The following INSIG2 variants were observed in gnomAD, a reference collection of about 807,000 sequenced individuals.
INSIG2 encodes insulin induced gene 2, also known as insulin-induced gene 2 protein.
Under a neutral mutation model 27.2 loss-of-function variants are expected in INSIG2, and 10 were observed. The ratio of observed to expected loss-of-function variants is 0.37; its 90% confidence interval spans 0.23 to 0.62. INSIG2 has a LOEUF of 0.62. Among genes scored for constraint, INSIG2 ranks in the 20% least tolerant of loss-of-function variants. INSIG2 has a pLI of 0.65. For synonymous variants in INSIG2, 97 were observed against 95.8 expected (o/e 1.01, Z -0.07); for missense variants, 178 against 270.2 (o/e 0.66, Z 2.39).
chr2:118,104,789 G>C (rs1362048502), intron 3 of INSIG2, among the ~76,000 whole-genome samples: 1 of 152,160 alleles, frequency 6.6e-6, no homozygotes, highest in African/African-American at 2.4e-5. Flanking sequence ...CGGTGGATTA[G>C]ATCTTTCTCT....
chr2:118,102,930 A>C (rs1004743208), intron 2 of INSIG2, among the ~76,000 whole-genome samples: 2 of 152,216 alleles, frequency 1.3e-5, no homozygotes, highest in Admixed American at 1.3e-4. Context: ...ATTGTGAATC[A>C]TACATTTGAA....
intron 1 of INSIG2, among the ~76,000 whole-genome samples, chr2:118,091,238 T>C (rs562287942): frequency 2.6e-5 from 4 of 152,304 alleles, no homozygotes; most frequent in Non-Finnish European, 4.4e-5. Flanking sequence ...GCAACTGATA[T>C]TATAAACATG....
intron 1 of INSIG2, among the ~76,000 whole-genome samples, chr2:118,090,999 T>A (rs1274082660): frequency 6.6e-6 from 1 of 152,238 alleles, no homozygotes; most frequent in Non-Finnish European, 1.5e-5. Flanking sequence ...ACTTTTTCCC[T>A]GGTCAGCAAA....
At chr2:118,101,598 A>G (rs1678546637) in intron 2 of INSIG2, among the ~76,000 whole-genome samples, 1 of 152,032 alleles carries the variant, frequency 6.6e-6, no homozygotes, top group Non-Finnish European at 1.5e-5. Context: ...GTGACAAATG[A>G]GCTGTTAGTT....
At chr2:118,088,860 T>C (rs775359772) in intron 1 of INSIG2, among the ~76,000 whole-genome samples, 1 of 152,100 alleles carries the variant, frequency 6.6e-6, no homozygotes, top group Admixed American at 6.5e-5. Context: ...CCCAATGGTC[T>C]GATGAGGTGG....
chr2:118,091,296 G>T (rs1678219921), intron 1 of INSIG2, among the ~76,000 whole-genome samples: 1 of 152,184 alleles, frequency 6.6e-6, no homozygotes. Context: ...AAATGGTTTT[G>T]TGGACGCCTC....
Position 118,106,810 on chromosome 2 carries a change from T to G in INSIG2, c.443T>G (p.Phe148Cys). The G allele has an allele frequency of 6.2e-7, 1 of 1,614,142 alleles. No homozygotes were observed. The highest frequency in any genetic ancestry group is 8.5e-7 in the Non-Finnish European group (1 of 1,179,960). Residue 148 changes from phenylalanine to cysteine, a missense_variant, in exon 4 of 6, where the codon TTT becomes TGT. By Grantham distance (205) the Phe-to-Cys change is radical. Transcript: ENST00000245787. The part of the protein sequence containing the change: ...AALSIGLWWT[F>C]DRSRSGFGLG... ...CTATCCATTGGACTGTGGTGGACTT[T>G]TGATAGATCTAGAAGTGGTTTTGGC...
At chr2:118,101,741 G>A (rs980344751) in intron 2 of INSIG2, among the ~76,000 whole-genome samples, 2 of 152,174 alleles carry the variant, frequency 1.3e-5, no homozygotes, top group African/African-American at 4.8e-5. Flanking sequence ...TTTTGGAGCA[G>A]ATTTTTAAAT....
At chr2:118,091,346 A>G (rs991509377) in intron 1 of INSIG2, among the ~76,000 whole-genome samples, 6 of 152,186 alleles carry the variant, frequency 3.9e-5, no homozygotes, top group African/African-American at 9.7e-5. Flanking sequence ...GGCATTCACT[A>G]TACACGTTTG....
chr2:118,095,713 C>G (rs936585857), intron 1 of INSIG2, among the ~76,000 whole-genome samples: 1 of 152,162 alleles, frequency 6.6e-6, no homozygotes, highest in African/African-American at 2.4e-5. Flanking sequence ...TCTTTTGCTT[C>G]GTCCTCCAGC....
At chr2:118,102,695 G>A (rs77960721) in intron 2 of INSIG2, 2,569 of 155,098 alleles carry the variant, frequency 0.017, 34 homozygotes, top group Middle Eastern at 0.048. Context: ...AGGCCAGCCA[G>A]AACCTTCAGA....
At chr2:118,105,564 A>G (rs17047760) in intron 3 of INSIG2, among the ~76,000 whole-genome samples, 2,592 of 152,316 alleles carry the variant, frequency 0.017, 72 homozygotes, top group African/African-American at 0.055. Context: ...TTCCAGAAGC[A>G]TACCCATATG....
At chr2:118,101,509 A>G (rs1357585969) in intron 2 of INSIG2, among the ~76,000 whole-genome samples, 1 of 152,146 alleles carries the variant, frequency 6.6e-6, no homozygotes, top group Non-Finnish European at 1.5e-5. Context: ...GCTCAGGAAA[A>G]TTGACTTGGA....
intron 3 of INSIG2, among the ~76,000 whole-genome samples, chr2:118,105,627 G>A (rs1678655286): frequency 1.3e-5 from 2 of 152,326 alleles, no homozygotes; most frequent in East Asian, 1.9e-4. Flanking sequence ...CCTTGAGGGA[G>A]TTGCCCACAA....
chr2:118,097,920 GCA>G (rs1429069182), intron 2 of INSIG2, among the ~76,000 whole-genome samples: 1 of 152,134 alleles, frequency 6.6e-6, no homozygotes, highest in Non-Finnish European at 1.5e-5. Context: ...GAATCCTGTT[GCA>G]CAGTTAGAGG....
At position 118,109,872 on chromosome 2, in the gene INSIG2, G is replaced by A. The variant is rs1472308288; in HGVS notation, c.*1550G>A. ...CTATAATTTATTATTATATCTTCCAGATAATGTTATTCATTTAGAACAAAT... is the reference window on the plus strand; with the variant it reads ...CTATAATTTATTATTATATCTTCCAAATAATGTTATTCATTTAGAACAAAT... On this transcript the variant is annotated 3_prime_UTR_variant, in exon 6 of 6. Coordinates refer to ENST00000245787, the MANE Select transcript of INSIG2 (RefSeq NM_016133.4). 2.0e-5 allele frequency: 3 copies of A among 152,302 alleles called. No homozygotes were observed. Among genetic ancestry groups the A allele is most frequent in the African/African-American group, 7.3e-5 (3 of 41,310 alleles). 9.4% of individuals were successfully genotyped at this position (152,302 alleles called of 1,614,324 possible).
chr2:118,098,096 G>A (rs746523548), intron 2 of INSIG2, among the ~76,000 whole-genome samples: 1 of 152,144 alleles, frequency 6.6e-6, no homozygotes, highest in African/African-American at 2.4e-5. Context: ...AAATTAAATT[G>A]TATCACTCTG....
intron 1 of INSIG2, among the ~76,000 whole-genome samples, chr2:118,095,310 G>A (rs745359090): frequency 2.6e-5 from 4 of 152,176 alleles, no homozygotes; most frequent in Non-Finnish European, 5.9e-5. Flanking sequence ...TATCAAATAT[G>A]TGACAGTTTG....
chr2:118,102,836 CT>C, intron 2 of INSIG2: 1 of 172,206 alleles, frequency 5.8e-6, no homozygotes, highest in Non-Finnish European at 1.3e-5. Context: ...TGGTTTGATA[CT>C]TTTTTCAGGT....
Sources: allele counts gnomAD v4.1 joint callset (sites outside exome capture counted in the v4.1 genomes callset), GRCh38; gene constraint gnomAD v4.1.1; transcripts MANE v1.5; gene names NCBI Gene and HGNC (gene_info 2026-07-23, HGNC 2026-07-21).